The following ASAP1 variants were observed in gnomAD, a reference collection of about 807,000 sequenced individuals.
ASAP1 encodes the protein ArfGAP with SH3 domain, ankyrin repeat and PH domain 1.
In ASAP1, 43 loss-of-function variants were observed where a neutral mutation model predicts 145.2. That is an observed-to-expected ratio of 0.30 (90% CI 0.23 to 0.38). The LOEUF (loss-of-function observed/expected upper bound fraction) is 0.38. Among genes scored for constraint, ASAP1 ranks in the 10% least tolerant of loss-of-function variants. The pLI is 1.00. For synonymous variants in ASAP1, 546 were observed against 515.5 expected, an observed-to-expected ratio of 1.06 and a Z score of -0.80; for missense variants, 1,018 against 1,355.3, an observed-to-expected ratio of 0.75 and a Z score of 3.91.
rs1830569118 is a variant in ASAP1, at chr8:130,443,578, C to T, written c.-146G>A. The T allele has an allele frequency of 6.6e-6, 1 of 150,876 alleles. No homozygotes were observed. The highest frequency in any genetic ancestry group is 1.5e-5 in the Non-Finnish European group (1 of 67,626). 9.3% of individuals were successfully genotyped at this position (150,876 alleles called of 1,614,324 possible). ...GCCGGCTGGGCGGGAGGCGCGGGCC[C>T]GGGGCTGCCCAGCGCACAGTGCTCG... On this transcript the variant is annotated 5_prime_UTR_variant, in exon 1 of 30. Coordinates refer to ENST00000518721, the MANE Select transcript of ASAP1 (RefSeq NM_018482.4).
At chr8:130,159,478 C>T (rs763529972) in intron 12 of ASAP1, among the ~76,000 whole-genome samples, 2 of 150,082 alleles carry the variant, frequency 1.3e-5, no homozygotes, top group African/African-American at 2.5e-5. Flanking sequence ...AAAAATTAGC[C>T]AGGCGTGGTG....
At chr8:130,131,791 T>G (rs772652568) in intron 15 of ASAP1, among the ~76,000 whole-genome samples, 1 of 152,068 alleles carries the variant, frequency 6.6e-6, no homozygotes, top group African/African-American at 2.4e-5. Flanking sequence ...GAGTGAGACC[T>G]TGTCTCAGAA....
intron 4 of ASAP1, among the ~76,000 whole-genome samples, chr8:130,215,861 G>A (rs1816871756): frequency 1.3e-5 from 2 of 151,848 alleles, no homozygotes; most frequent in Admixed American, 1.3e-4. Flanking sequence ...GGAAGTCGAG[G>A]CTACAGTGAG....
chr8:130,084,960 C>A (rs922810006), intron 25 of ASAP1, among the ~76,000 whole-genome samples: 5 of 152,132 alleles, frequency 3.3e-5, no homozygotes, highest in Non-Finnish European at 7.4e-5. Context: ...AATAAAAGTA[C>A]AATTCTAACT....
intron 3 of ASAP1, among the ~76,000 whole-genome samples, chr8:130,305,546 T>C (rs1431974320): frequency 6.6e-6 from 1 of 152,116 alleles, no homozygotes; most frequent in African/African-American, 2.4e-5. Context: ...GTATTTTTAG[T>C]AGAGGGGGTG....
chr8:130,437,453 C>G (rs1830352174), intron 1 of ASAP1, among the ~76,000 whole-genome samples: 1 of 152,220 alleles, frequency 6.6e-6, no homozygotes, highest in African/African-American at 2.4e-5. Context: ...AAGAGAAGGA[C>G]AGGTGGTGAC....
chr8:130,400,541 A>C (rs377390444), intron 2 of ASAP1, among the ~76,000 whole-genome samples: 2,518 of 151,932 alleles, frequency 0.017, 73 homozygotes, highest in African/African-American at 0.057. Context: ...GTAATCCAGC[A>C]CTTTGGGAGG....
chr8:130,143,345 CT>C, intron 13 of ASAP1, among the ~76,000 whole-genome samples: 1 of 150,720 alleles, frequency 6.6e-6, no homozygotes, highest in Admixed American at 6.6e-5. Context: ...TGGAATCTCA[CT>C]TTCACATGCA....
intron 12 of ASAP1, among the ~76,000 whole-genome samples, chr8:130,154,755 G>GA (rs1268510741): frequency 6.6e-6 from 1 of 152,198 alleles, no homozygotes; most frequent in Admixed American, 6.5e-5. Flanking sequence ...AAGGAAGTAA[G>GA]AATCTGACAC....
At chr8:130,134,902 C>G (rs571151458) in intron 14 of ASAP1, among the ~76,000 whole-genome samples, 3 of 152,130 alleles carry the variant, frequency 2.0e-5, no homozygotes, top group African/African-American at 7.2e-5. Flanking sequence ...GAGACTTAAC[C>G]ATGGGGTAGC....
intron 7 of ASAP1, among the ~76,000 whole-genome samples, chr8:130,183,306 C>G (rs555598991): frequency 1.3e-5 from 2 of 151,854 alleles, no homozygotes; most frequent in South Asian, 4.2e-4. Flanking sequence ...AACAATGGAA[C>G]AATGCCTTCA....
intron 3 of ASAP1, among the ~76,000 whole-genome samples, chr8:130,263,740 G>C (rs770578799): frequency 3.3e-5 from 5 of 152,156 alleles, no homozygotes; most frequent in African/African-American, 9.7e-5. Context: ...CTACATCCTA[G>C]GGCTTATTCA....
chr8:130,053,812 CAAAT>C lies in ASAP1; in HGVS notation c.*915_*918del, dbSNP rs1400106961. The C allele has an allele frequency of 6.6e-6, 1 of 152,168 alleles. No homozygotes were observed. The highest frequency in any genetic ancestry group is 2.4e-5 in the African/African-American group (1 of 41,448). The allele number at this position is 152,168 out of a possible 1,614,324, so 9.4% of individuals were successfully genotyped here. ...TCTTGAGAAAGCCAGTGATTAGAAA[CAAAT>C]ATTGTTGCAACCTTATAATTTCTGC... On this transcript the variant is annotated 3_prime_UTR_variant, in exon 30 of 30. Transcript: ENST00000518721.
intron 3 of ASAP1, among the ~76,000 whole-genome samples, chr8:130,280,885 C>T (rs1283015983): frequency 6.6e-6 from 1 of 152,074 alleles, no homozygotes; most frequent in Non-Finnish European, 1.5e-5. Flanking sequence ...TTCATTTAAC[C>T]ATAACCAAGA....
chr8:130,060,732 T>C lies in ASAP1; in HGVS notation c.3039A>G (p.Gln1013=), dbSNP rs539156458. The C allele has an allele frequency of 6.2e-7, 1 of 1,614,126 alleles. No homozygotes were observed. Among genetic ancestry groups the C allele is most frequent in the African/African-American group, 1.3e-5 (1 of 75,022 alleles). Residue 1013 remains glutamine, a synonymous_variant, in exon 28 of 30, where the codon CAA becomes CAG. Transcript: ENST00000518721. ...QTGDVSPKAQ[Q]PSEVTLKSHP... ...GTGACTTCAGTGTGACCTCAGAGGG[T>C]TGCTGAGCCTTGGGTGAGACATCTC...
At chr8:130,402,436 C>G (rs549202228) in intron 1 of ASAP1, among the ~76,000 whole-genome samples, 1 of 152,296 alleles carries the variant, frequency 6.6e-6, no homozygotes, top group South Asian at 2.1e-4. Flanking sequence ...GACAGCCCCT[C>G]TGAACCTGGG....
chr8:130,193,771 T>A (rs1815299162), intron 5 of ASAP1, among the ~76,000 whole-genome samples: 1 of 152,246 alleles, frequency 6.6e-6, no homozygotes, highest in Non-Finnish European at 1.5e-5. Flanking sequence ...TGAAACTCTG[T>A]GGTTAGTACT....
chr8:130,280,888 A>C (rs989114890), intron 3 of ASAP1, among the ~76,000 whole-genome samples: 1 of 152,152 alleles, frequency 6.6e-6, no homozygotes, highest in African/African-American at 2.4e-5. Context: ...ATTTAACCAT[A>C]ACCAAGAATC....
Position 130,077,718 on chromosome 8 carries a change from T to C in ASAP1, c.2643-1312A>G, listed in dbSNP as rs181536049. Among the ~76,000 whole-genome samples, 655 of 152,036 alleles carry C rather than the reference T, an allele frequency of 4.3e-3. 6 individuals are homozygous for C. Among genetic ancestry groups the C allele is most frequent in the Non-Finnish European group, 4.5e-3 (309 of 67,984 alleles). The stretch of plus-strand genomic sequence containing the variant: ...CCAAACCAACCAACAAAACAAAAAG[T>C]AGTCAAAGAGAGAAGATGAAAGGTG... On this transcript the variant is annotated intron_variant, in intron 26 of 29. Coordinates refer to ENST00000518721, the MANE Select transcript of ASAP1 (RefSeq NM_018482.4).
Sources: allele counts gnomAD v4.1 joint callset (sites outside exome capture counted in the v4.1 genomes callset), GRCh38; gene constraint gnomAD v4.1.1; transcripts MANE v1.5; gene names NCBI Gene and HGNC (gene_info 2026-07-23, HGNC 2026-07-21).